NAV3: variants seen among roughly 807,000 people sequenced by gnomAD.
The protein encoded by NAV3 is pore membrane and/or filament interacting like protein 1.
NAV3 carries 87 observed loss-of-function variants against 244.7 expected under a neutral mutation model. The observed-to-expected ratio is 0.36, with a 90% confidence interval of 0.30 to 0.42. The LOEUF is 0.42. Ranked by LOEUF, NAV3 falls within the 20% of genes least tolerant of loss-of-function variation. The pLI is 1.00. For synonymous variants in NAV3, 1,126 were observed against 1,042.2 expected (o/e 1.08, Z -1.55); for missense variants, 2,663 against 2,893.3 (o/e 0.92, Z 1.83).
intron 34 of NAV3, among the ~76,000 whole-genome samples, chr12:78,192,509 G>A (rs996007737): frequency 6.6e-6 from 1 of 151,448 alleles, no homozygotes; most frequent in Non-Finnish European, 1.5e-5. Context: ...GGGTTCAAGC[G>A]ATTCTTCTGC....
chr12:78,050,542 C>G (rs1882584128), intron 10 of NAV3, among the ~76,000 whole-genome samples: 1 of 152,034 alleles, frequency 6.6e-6, no homozygotes, highest in Admixed American at 6.6e-5. Flanking sequence ...TTGTTTTACC[C>G]AAGGTGTACT....
At chr12:77,771,799 T>C (rs1055955492) in intron 2 of NAV3, among the ~76,000 whole-genome samples, 1 of 152,044 alleles carries the variant, frequency 6.6e-6, no homozygotes, top group African/African-American at 2.4e-5. Flanking sequence ...CATTAGGAGA[T>C]ATACCTAATG....
chr12:78,104,534 T>G (rs905594622), intron 12 of NAV3, among the ~76,000 whole-genome samples: 5 of 152,162 alleles, frequency 3.3e-5, no homozygotes, highest in Non-Finnish European at 5.9e-5. Context: ...TAACTAAGAT[T>G]GGCCCCATCG....
intron 2 of NAV3, among the ~76,000 whole-genome samples, chr12:77,667,227 G>T (rs1028958137): frequency 6.6e-5 from 10 of 152,078 alleles, no homozygotes; most frequent in Non-Finnish European, 1.3e-4. Flanking sequence ...AAGAAATACC[G>T]CAGGAACATA....
intron 1 of NAV3, among the ~76,000 whole-genome samples, chr12:77,902,675 T>C (rs909880384): frequency 2.6e-5 from 4 of 152,138 alleles, no homozygotes; most frequent in African/African-American, 9.7e-5. Flanking sequence ...ATAAAGGGTA[T>C]TCAATTAGGA....
chr12:77,572,880 C>G lies in NAV3; in HGVS notation c.72+614C>G, dbSNP rs17043908. Among the ~76,000 whole-genome samples, 1,042 of 151,006 alleles carry G rather than the reference C, an allele frequency of 6.9e-3. 18 individuals carry two copies. Among genetic ancestry groups the G allele is most frequent in the African/African-American group, 0.023 (962 of 41,334 alleles). On this transcript the variant is annotated intron_variant, in intron 2 of 8. Coordinates refer to the NAV3 transcript ENST00000550042. ...TTTAGTAAGAAGTGGGGATTGAATA[C>G]TAAGGGATGTACTTCACCTTCATTT...
At position 78,102,615 on chromosome 12, in the gene NAV3, G is replaced by T. The variant is rs2138231062; in HGVS notation, c.2637-14157G>T. Among the ~76,000 whole-genome samples, 3 of 152,316 alleles carry T rather than the reference G, an allele frequency of 2.0e-5. 1 individual carries two copies. The South Asian group carries it at 6.2e-4, about 32-fold the overall frequency. ...TGACCCCAGATTTCCCTCCTGCACT[G>T]CCCTAGCAGAGATTCTTCATGAGGG... is the stretch of plus-strand genomic sequence containing the variant. On this transcript the variant is annotated intron_variant, in intron 12 of 39. Coordinates refer to ENST00000397909, the MANE Select transcript of NAV3 (RefSeq NM_001024383.2).
chr12:77,814,263 ATGT>A (rs574982048), intron 2 of NAV3, among the ~76,000 whole-genome samples: 3 of 152,060 alleles, frequency 2.0e-5, no homozygotes, highest in Non-Finnish European at 4.4e-5. Flanking sequence ...AAAAACTCTA[ATGT>A]TGATACAACA....
intron 23 of NAV3, among the ~76,000 whole-genome samples, chr12:78,160,461 C>T (rs544132749): frequency 6.7e-6 from 1 of 149,786 alleles, no homozygotes; most frequent in African/African-American, 2.4e-5. Context: ...ATCAGGTGTC[C>T]AGAGCTTTCA....
At chr12:78,026,929 G>A (rs570494016) in intron 9 of NAV3, among the ~76,000 whole-genome samples, 32 of 152,142 alleles carry the variant, frequency 2.1e-4, no homozygotes, top group Non-Finnish European at 3.8e-4. Flanking sequence ...TTTGGCTTTG[G>A]AAGGCACTCA....
intron 1 of NAV3, among the ~76,000 whole-genome samples, chr12:77,914,674 AGTCTATTGGTTTT>A (rs569045266): frequency 1.8e-4 from 28 of 152,046 alleles, no homozygotes; most frequent in African/African-American, 6.7e-4. Context: ...AGTTTTGTCT[AGTCTATTGGTTTT>A]GTCTAGTCTA....
chr12:78,200,636 AGC>A (rs1959560770), intron 38 of NAV3, 45 bp downstream of exon 38: 18 of 1,212,334 alleles, frequency 1.5e-5, no homozygotes, highest in South Asian at 3.4e-5. Context: ...AAAAAAAAAA[AGC>A]AAAAAAAATT....
At chr12:77,773,179 G>A (rs957586622) in intron 2 of NAV3, among the ~76,000 whole-genome samples, 2 of 151,690 alleles carry the variant, frequency 1.3e-5, no homozygotes, top group Non-Finnish European at 2.9e-5. Flanking sequence ...TTCACCAAAA[G>A]TGTTGATCAT....
upstream of NAV3, among the ~76,000 whole-genome samples, chr12:77,828,928 T>C (rs1873302325): frequency 6.6e-6 from 1 of 152,214 alleles, no homozygotes; most frequent in African/African-American, 2.4e-5. Context: ...AATTTTGTAC[T>C]AGTATAATGC....
At chr12:77,791,146 G>C (rs1871157285) in intron 2 of NAV3, among the ~76,000 whole-genome samples, 2 of 152,034 alleles carry the variant, frequency 1.3e-5, no homozygotes, top group Non-Finnish European at 2.9e-5. Context: ...ACAAGGTCAG[G>C]AGTTTGAGAC....
chr12:77,776,287 A>G (rs1056949844), intron 2 of NAV3, among the ~76,000 whole-genome samples: 1 of 152,254 alleles, frequency 6.6e-6, no homozygotes, highest in Non-Finnish European at 1.5e-5. Flanking sequence ...AAGGAAGACA[A>G]GACCATATAA....
chr12:77,671,310 CA>C (rs879616988), intron 2 of NAV3, among the ~76,000 whole-genome samples: 5 of 151,656 alleles, frequency 3.3e-5, no homozygotes, highest in Non-Finnish European at 5.9e-5. Context: ...ATAGATGACA[CA>C]AACAAATTGA....
chr12:77,711,086 A>T (rs955490982), intron 2 of NAV3, among the ~76,000 whole-genome samples: 4 of 152,230 alleles, frequency 2.6e-5, no homozygotes, highest in African/African-American at 7.2e-5. Flanking sequence ...GAAATTATGT[A>T]TGTTGGAAAT....
chr12:77,999,510 C>T (rs1051125257), intron 7 of NAV3, among the ~76,000 whole-genome samples: 1 of 152,144 alleles, frequency 6.6e-6, no homozygotes, highest in African/African-American at 2.4e-5. Flanking sequence ...TGTGAACGGA[C>T]AGATGTGATC....
Sources: gnomAD v4.1 joint callset for allele counts (sites outside exome capture counted in the v4.1 genomes callset) on GRCh38, gnomAD v4.1.1 for gene constraint, MANE v1.5 for transcripts, NCBI Gene and HGNC (gene_info 2026-07-23, HGNC 2026-07-21) for gene names.